The following SCN3A variants were observed in gnomAD, a reference collection of about 807,000 sequenced individuals.
The protein encoded by SCN3A is sodium channel protein type 3 subunit alpha.
In SCN3A, 60 loss-of-function variants were observed where a neutral mutation model predicts 187.6. That is an observed-to-expected ratio of 0.32 (90% CI 0.26 to 0.40). The LOEUF is 0.40. Ranked by LOEUF, SCN3A falls within the 10% of genes least tolerant of loss-of-function variation. The pLI is 1.00. For missense variants in SCN3A, 1,601 were observed against 2,428.2 expected, an observed-to-expected ratio of 0.66 and a Z score of 7.16; for synonymous variants, 788 against 829.2, an observed-to-expected ratio of 0.95 and a Z score of 0.85.
Position 165,089,026 on chromosome 2 carries a change from G to A in SCN3A, c.*1124C>T, listed in dbSNP as rs1684960220. ...TCTTTAACCAAGACTTGTGAAGAAT[G>A]GATTGAGTAAAATAGAGCAGCATAG... On this transcript the variant is annotated 3_prime_UTR_variant, in exon 28 of 28. Coordinates refer to ENST00000283254, the MANE Select transcript of SCN3A (RefSeq NM_006922.4). 1 of 152,464 alleles carries A rather than the reference G, an allele frequency of 6.6e-6. No homozygotes were observed. The highest frequency in any genetic ancestry group is 6.6e-5 in the Admixed American group (1 of 15,252). 9.4% of individuals were successfully genotyped at this position (152,464 alleles called of 1,614,324 possible).
intron 11 of SCN3A, among the ~76,000 whole-genome samples, chr2:165,147,913 G>A (rs1038416623): frequency 6.6e-6 from 1 of 152,118 alleles, no homozygotes; most frequent in Non-Finnish European, 1.5e-5. Flanking sequence ...AATATGGTGT[G>A]CATCAAAGCT....
chr2:165,162,975 T>C (rs935476097), intron 7 of SCN3A, 147 bp from the exon 8 acceptor site: 8 of 950,316 alleles, frequency 8.4e-6, no homozygotes, highest in Admixed American at 5.7e-5. Context: ...ATTTGGGAAA[T>C]AGATGAACAG....
intron 10 of SCN3A, 62 bp from the exon 11 acceptor site, chr2:165,154,720 G>T: frequency 6.9e-7 from 1 of 1,442,968 alleles, no homozygotes; most frequent in Non-Finnish European, 9.8e-7. Flanking sequence ...ATAAATATCT[G>T]ATTACCACAG....
chr2:165,172,834 A>G (rs1236131192), intron 3 of SCN3A, among the ~76,000 whole-genome samples: 1 of 152,176 alleles, frequency 6.6e-6, no homozygotes, highest in Non-Finnish European at 1.5e-5. Flanking sequence ...TTAAGACTAC[A>G]ATCCCAGTTT....
intron 2 of SCN3A, among the ~76,000 whole-genome samples, chr2:165,180,289 C>T (rs533466045): frequency 2.0e-5 from 3 of 152,100 alleles, no homozygotes; most frequent in Non-Finnish European, 4.4e-5. Context: ...AACCAGGAAC[C>T]CATGGTCACT....
intron 1 of SCN3A, among the ~76,000 whole-genome samples, chr2:165,196,222 A>G (rs1691941072): frequency 6.6e-6 from 1 of 151,958 alleles, no homozygotes; most frequent in Non-Finnish European, 1.5e-5. Flanking sequence ...ATCCAATCCC[A>G]ATGGGAGGAC....
intron 21 of SCN3A, among the ~76,000 whole-genome samples, chr2:165,107,713 A>G (rs944831702): frequency 1.1e-4 from 16 of 152,238 alleles, no homozygotes; most frequent in African/African-American, 3.9e-4. Flanking sequence ...AATATGGATC[A>G]AAGAACCCAG....
At chr2:165,104,963 GAAAGCACAGGAATAA>G (rs1039498613) in intron 21 of SCN3A, among the ~76,000 whole-genome samples, 2 of 152,152 alleles carry the variant, frequency 1.3e-5, no homozygotes, top group African/African-American at 4.8e-5. Flanking sequence ...CTGGACTGTG[GAAAGCACAGGAATAA>G]TTACTTTCTC....
intron 11 of SCN3A, among the ~76,000 whole-genome samples, chr2:165,150,504 T>G (rs1399631591): frequency 6.6e-6 from 1 of 152,232 alleles, no homozygotes; most frequent in Non-Finnish European, 1.5e-5. Flanking sequence ...CAATCAGTAT[T>G]ATACTTTACC....
chr2:165,097,504 A>G lies in SCN3A; in HGVS notation c.3987T>C (p.Val1329=), dbSNP rs1483216029. 6.2e-7 allele frequency: 1 copy of G among 1,614,064 alleles called. No homozygotes were observed. Among genetic ancestry groups the G allele is most frequent in the South Asian group, 1.1e-5 (1 of 91,092 alleles). The part of the protein sequence containing the change: ...EGMRVVVNAL[V]GAIPSIMNVL... ...CATTCATGATAGAGGGAATTGCTCC[A>G]ACAAGAGCATTCACAACCACCTAGA... Residue 1329 remains valine (V), a synonymous_variant, in exon 23 of 28, where the codon GTT becomes GTC. Transcript: ENST00000283254.
intron 11 of SCN3A, among the ~76,000 whole-genome samples, chr2:165,152,115 A>C (rs1364547714): frequency 6.6e-6 from 1 of 152,222 alleles, no homozygotes; most frequent in African/African-American, 2.4e-5. Context: ...AGCACTTAAA[A>C]AAAGTAAAAT....
intron 4 of SCN3A, among the ~76,000 whole-genome samples, chr2:165,169,672 T>TA (rs1437651888): frequency 1.3e-5 from 2 of 151,950 alleles, no homozygotes; most frequent in African/African-American, 4.8e-5. Flanking sequence ...GCCCTGTCTC[T>TA]AGGTGAATCA....
At chr2:165,186,429 A>C (rs1691244506) in intron 2 of SCN3A, 122 bp downstream of exon 2, 1 of 152,218 alleles carries the variant, frequency 6.6e-6, no homozygotes, top group African/African-American at 2.4e-5. Context: ...AAACTGGTAG[A>C]GGAAGGAAGA....
intron 2 of SCN3A, among the ~76,000 whole-genome samples, chr2:165,182,082 T>C (rs939497788): frequency 3.3e-5 from 5 of 152,290 alleles, no homozygotes; most frequent in Admixed American, 2.6e-4. Context: ...GCTTTATCAG[T>C]GCAAGTGCCA....
chr2:165,170,465 A>G lies in SCN3A; in HGVS notation c.348T>C (p.Pro116=). ...AAATCTTGATAGCAATTTTCCTAACAGGGTTTAGTGGAGTTAAAATATACA... is the reference window on the plus strand; with the variant it reads ...AAATCTTGATAGCAATTTTCCTAACGGGGTTTAGTGGAGTTAAAATATACA... ...SALYILTPLN[P]VRKIAIKILV... The change falls in exon 4 of 28, where the codon CCT becomes CCC. Residue 116 remains proline, a synonymous_variant. Coordinates refer to ENST00000283254, the MANE Select transcript of SCN3A (RefSeq NM_006922.4). 1.9e-6 allele frequency: 3 copies of G among 1,611,004 alleles called. No individual in the cohort carries two copies. In the South Asian group the frequency reaches 3.3e-5, roughly 18 times the overall value.
At chr2:165,202,584 G>T (rs1186478407) in intron 1 of SCN3A, among the ~76,000 whole-genome samples, 1 of 151,894 alleles carries the variant, frequency 6.6e-6, no homozygotes, top group African/African-American at 2.4e-5. Context: ...TTTTTGGGGG[G>T]ACTATTATTG....
At chr2:165,170,292 A>G (rs1308145803) in intron 4 of SCN3A, 138 bp downstream of exon 4, 15 of 637,608 alleles carry the variant, frequency 2.4e-5, no homozygotes, top group Non-Finnish European at 2.3e-5. Context: ...TGGAAAACCA[A>G]TGCAAATAAA....
At chr2:165,105,125 A>G (rs1199006955) in intron 21 of SCN3A, among the ~76,000 whole-genome samples, 1 of 152,156 alleles carries the variant, frequency 6.6e-6, no homozygotes, top group African/African-American at 2.4e-5. Flanking sequence ...CTGAAAACAG[A>G]ACTGATTAAA....
At position 165,141,036 on chromosome 2, in the gene SCN3A, G is replaced by T. The variant is rs772578395; in HGVS notation, c.1672-38C>A. 4.3e-6 allele frequency: 6 copies of T among 1,410,260 alleles called. No individual in the cohort carries two copies. In the South Asian group the frequency reaches 5.9e-5, roughly 14 times the overall value. The allele number at this position is 1,410,260 out of a possible 1,614,324, so 87.4% of individuals were successfully genotyped here. On this transcript the variant is annotated intron_variant, in intron 12 of 27. Coordinates refer to ENST00000283254, the MANE Select transcript of SCN3A (RefSeq NM_006922.4). Reference sequence around the variant, plus strand: ...CAAAAAGGAAAGGAATGGGATGGGGGTAGGGGAAGAACGCAATTATTTAAT... The same window carrying T: ...CAAAAAGGAAAGGAATGGGATGGGGTTAGGGGAAGAACGCAATTATTTAAT...
Sources: gnomAD v4.1 joint callset for allele counts (sites outside exome capture counted in the v4.1 genomes callset) on GRCh38, gnomAD v4.1.1 for gene constraint, MANE v1.5 for transcripts, NCBI Gene and HGNC (gene_info 2026-07-23, HGNC 2026-07-21) for gene names.